The following ACSS3 variants were observed in gnomAD, a reference collection of about 807,000 sequenced individuals.
ACSS3 encodes the protein acyl-CoA synthetase short-chain family member 3, mitochondrial.
In ACSS3, 64 loss-of-function variants were observed where a neutral mutation model predicts 84.2. The observed-to-expected ratio is 0.76, with a 90% CI of 0.62 to 0.94. The LOEUF is 0.94. Ranked by LOEUF, ACSS3 falls within the 40% of genes least tolerant of loss-of-function variation. ACSS3 has a pLI of 0.00. For synonymous variants in ACSS3, 317 were observed against 310.1 expected, an observed-to-expected ratio of 1.02 and a Z score of -0.23; for missense variants, 815 against 867.6, an observed-to-expected ratio of 0.94 and a Z score of 0.76.
At chr12:81,205,244 ACATACCC>A (rs1397033544) in intron 9 of ACSS3, among the ~76,000 whole-genome samples, 4 of 152,118 alleles carry the variant, frequency 2.6e-5, no homozygotes, top group African/African-American at 9.7e-5. Flanking sequence ...CTAAGGGTAC[ACATACCC>A]TTATACTATG....
At chr12:81,254,135 G>T (rs2034235938) in intron 15 of ACSS3, among the ~76,000 whole-genome samples, 1 of 151,948 alleles carries the variant, frequency 6.6e-6, no homozygotes, top group South Asian at 2.1e-4. Context: ...TCACCATGTT[G>T]CCCAGGGTGG....
chr12:81,200,580 A>T (rs1366121138), intron 9 of ACSS3, among the ~76,000 whole-genome samples: 1 of 152,106 alleles, frequency 6.6e-6, no homozygotes, highest in African/African-American at 2.4e-5. Context: ...TATGTCCTTG[A>T]ATATTGTTCT....
In ACSS3 at chr12:81,254,858, T is replaced by C. The variant is rs1174630464; in HGVS notation, c.1997T>C (p.Ile666Thr). ...SAIVNGKPYK[I>T]TSTIEDPSIF... ...ACCTGACCCTAATTTTTTTTCCAGA[T>C]AACTTCTACAATTGAAGACCCCAGC... is the stretch of plus-strand genomic sequence containing the variant. Residue 666 changes from isoleucine (I) to threonine (T), a missense_variant and splice_region_variant, in exon 16 of 16, where the codon ATA becomes ACA. Coordinates refer to ENST00000548058, the MANE Select transcript of ACSS3 (RefSeq NM_024560.4). 6.2e-7 allele frequency: 1 copy of C among 1,604,444 alleles called. No homozygotes were observed. Among genetic ancestry groups the C allele is most frequent in the Non-Finnish European group, 8.5e-7 (1 of 1,176,058 alleles).
chr12:81,173,264 C>T (rs1253251610), intron 7 of ACSS3, among the ~76,000 whole-genome samples: 1 of 152,148 alleles, frequency 6.6e-6, no homozygotes, highest in Non-Finnish European at 1.5e-5. Flanking sequence ...TGTTGCCAGG[C>T]TGTATTTTGC....
At chr12:81,195,567 A>T (rs371862788) in intron 8 of ACSS3, among the ~76,000 whole-genome samples, 1 of 152,094 alleles carries the variant, frequency 6.6e-6, no homozygotes, top group African/African-American at 2.4e-5. Context: ...TTGCATATGG[A>T]TATGTAATTT....
At position 81,106,649 on chromosome 12, in the gene ACSS3, A is replaced by T. The variant is rs563007783; in HGVS notation, c.312-2911A>T. Among the ~76,000 whole-genome samples, 22 of 152,288 alleles carry T rather than the reference A, an allele frequency of 1.4e-4. No homozygotes were observed. The South Asian group carries it at 4.4e-3, about 30-fold the overall frequency. On this transcript the variant is annotated intron_variant, in intron 1 of 15. Transcript: ENST00000548058. Reference sequence around the variant, plus strand: ...TTTATCTTGAACTTTAGAGAAATATATTAAATAATTTTGAGCACTATTTGA... The same window carrying T: ...TTTATCTTGAACTTTAGAGAAATATTTTAAATAATTTTGAGCACTATTTGA...
rs1200607332 is a variant in ACSS3 at position 81,078,241 on chromosome 12, G to T, written c.121G>T (p.Gly41Cys). The change falls in exon 1 of 16, where the codon GGC becomes TGC. Residue 41 changes from glycine to cysteine, a missense_variant. Gly to Cys is a radical substitution (Grantham distance 159, BLOSUM62 -3). Coordinates refer to ENST00000548058, the MANE Select transcript of ACSS3 (RefSeq NM_024560.4). ...GGCCCTCAGGGCTTTAGTGGTCCCG[G>T]GCCCGCGGGGCGGTCTCGGGGGCCG... ...GAALRALVVP[G>C]PRGGLGGRGC... 6.2e-7 allele frequency: 1 copy of T among 1,605,306 alleles called. No homozygotes were observed. The highest frequency in any genetic ancestry group is 2.2e-5 in the East Asian group (1 of 44,532).
intron 5 of ACSS3, among the ~76,000 whole-genome samples, chr12:81,149,369 CAA>C (rs1886501112): frequency 6.6e-6 from 1 of 151,954 alleles, no homozygotes; most frequent in African/African-American, 2.4e-5. Context: ...AAACAGGAAA[CAA>C]AAATGCTTTA....
intron 9 of ACSS3, among the ~76,000 whole-genome samples, chr12:81,207,673 A>G (rs1173852231): frequency 6.6e-6 from 1 of 152,150 alleles, no homozygotes; most frequent in Admixed American, 6.6e-5. Flanking sequence ...GGACTGTAAA[A>G]GCGGAACTTA....
intron 2 of ACSS3, among the ~76,000 whole-genome samples, chr12:81,119,888 G>C (rs1884423710): frequency 6.6e-6 from 1 of 152,178 alleles, no homozygotes; most frequent in South Asian, 2.1e-4. Context: ...AATATTAAGA[G>C]ATTAAAGTAA....
In ACSS3 at chr12:81,249,252, A is replaced by C. The variant is rs138274068; in HGVS notation, c.1720-4055A>C. Reference sequence around the variant, plus strand: ...GAAGCTAATATGATTGTTCTTGCTCAGTTCTCTTTGACTGCTGTGGCTTTT... The same window carrying C: ...GAAGCTAATATGATTGTTCTTGCTCCGTTCTCTTTGACTGCTGTGGCTTTT... On this transcript the variant is annotated intron_variant, in intron 13 of 15. Coordinates refer to ENST00000548058, the MANE Select transcript of ACSS3 (RefSeq NM_024560.4). Among the ~76,000 whole-genome samples, 471 of 152,208 alleles carry C rather than the reference A, an allele frequency of 3.1e-3. 9 individuals are homozygous for C. The highest frequency in any genetic ancestry group is 0.011 in the African/African-American group (450 of 41,580).
chr12:81,216,152 T>G (rs2032905197), intron 9 of ACSS3, among the ~76,000 whole-genome samples: 2 of 151,336 alleles, frequency 1.3e-5, no homozygotes, highest in Admixed American at 1.3e-4. Flanking sequence ...ATAAAGACAT[T>G]TTATTAAAAT....
At chr12:81,139,646 T>TTA (rs1462051250) in intron 4 of ACSS3, among the ~76,000 whole-genome samples, 27 of 146,572 alleles carry the variant, frequency 1.8e-4, no homozygotes, top group African/African-American at 5.7e-4. Context: ...ATTATTGTTA[T>TTA]TTTTTTTTGA....
chr12:81,078,629 C>A (rs1170012261), intron 1 of ACSS3, among the ~76,000 whole-genome samples, 198 bp downstream of exon 1: 1 of 152,138 alleles, frequency 6.6e-6, no homozygotes, highest in Non-Finnish European at 1.5e-5. Flanking sequence ...GACCCTGTTA[C>A]CTATTGTGAA....
intron 5 of ACSS3, among the ~76,000 whole-genome samples, chr12:81,145,067 A>ATTTTTTTTTTTT (rs35753293): frequency 8.4e-4 from 85 of 100,862 alleles, no homozygotes; most frequent in Non-Finnish European, 9.5e-4. Flanking sequence ...CGCCTGGCTA[A>ATTTTTTTTTTTT]TTTTTTTTTT....
intron 2 of ACSS3, among the ~76,000 whole-genome samples, chr12:81,117,052 C>A (rs1016171276): frequency 6.6e-6 from 1 of 152,086 alleles, no homozygotes; most frequent in Non-Finnish European, 1.5e-5. Context: ...TTGCTTAATG[C>A]ATTTATCATT....
At position 81,139,267 on chromosome 12, in the gene ACSS3, T is replaced by C. The variant is rs756902874; in HGVS notation, c.780+2T>C. 2 of 1,613,642 alleles carry C rather than the reference T, an allele frequency of 1.2e-6. No individual in the cohort carries two copies. Among genetic ancestry groups the C allele is most frequent in the Non-Finnish European group, 1.7e-6 (2 of 1,179,756 alleles). ...CTCATTTATAATCGTCCAAATATGGTAATCTGAATATTGAATTTGGTTCTT... is the reference window on the plus strand; with the variant it reads ...CTCATTTATAATCGTCCAAATATGGCAATCTGAATATTGAATTTGGTTCTT... On this transcript the variant is annotated splice_donor_variant, in intron 4 of 15. Coordinates refer to ENST00000548058, the MANE Select transcript of ACSS3 (RefSeq NM_024560.4). LOFTEE classifies it high-confidence loss of function.
chr12:81,213,872 C>A (rs2032757483), intron 9 of ACSS3, among the ~76,000 whole-genome samples: 1 of 96,156 alleles, frequency 1.0e-5, no homozygotes, highest in Non-Finnish European at 2.3e-5. Flanking sequence ...TCCTTTCTTT[C>A]TTTCTTTCTT....
chr12:81,159,657 G>T (rs970762503), intron 7 of ACSS3, among the ~76,000 whole-genome samples: 3 of 152,218 alleles, frequency 2.0e-5, no homozygotes, highest in Non-Finnish European at 4.4e-5. Context: ...CCCTAACCGT[G>T]TATGAACAAG....
Sources: allele counts gnomAD v4.1 joint callset (sites outside exome capture counted in the v4.1 genomes callset), GRCh38; gene constraint gnomAD v4.1.1; transcripts MANE v1.5; gene names NCBI Gene and HGNC (gene_info 2026-07-23, HGNC 2026-07-21).